The following RAD23B variants were observed in gnomAD, a reference collection of about 807,000 sequenced individuals.
RAD23B encodes RAD23 nucleotide excision repair protein B, also known as lysine-specific demethylase RAD23B.
A neutral mutation model predicts 49.1 loss-of-function variants in RAD23B; 5 were observed. The observed-to-expected ratio is 0.10, with a 90% confidence interval of 0.05 to 0.21. The LOEUF (loss-of-function observed/expected upper bound fraction) is 0.21. Among genes scored for constraint, RAD23B ranks in the 10% least tolerant of loss-of-function variants. RAD23B has a pLI of 1.00. For synonymous variants in RAD23B, 184 were observed against 165.4 expected (o/e 1.11, Z -0.86); for missense variants, 356 against 486.7 (o/e 0.73, Z 2.53).
chr9:107,284,313 T>G, intron 1 of RAD23B: 2 of 764,520 alleles, frequency 2.6e-6, no homozygotes, highest in Non-Finnish European at 3.2e-6. Flanking sequence ...GATTGCACTT[T>G]GAGGCCTCTT....
At chr9:107,294,470 C>T (rs913853848) in intron 1 of RAD23B, among the ~76,000 whole-genome samples, 4 of 152,158 alleles carry the variant, frequency 2.6e-5, no homozygotes, top group African/African-American at 9.7e-5. Context: ...TGGTGTGGGG[C>T]TCAGCGCAGT....
intron 4 of RAD23B, among the ~76,000 whole-genome samples, chr9:107,307,261 A>G (rs1347059971): frequency 2.0e-5 from 3 of 152,224 alleles, no homozygotes; most frequent in Non-Finnish European, 4.4e-5. Flanking sequence ...TTGAGGAGCA[A>G]GAAATAATTT....
chr9:107,306,775 G>T, intron 4 of RAD23B, 128 bp downstream of exon 4: 1 of 1,024,692 alleles, frequency 9.8e-7, no homozygotes, highest in Non-Finnish European at 1.4e-6. Flanking sequence ...TTAAATGTTT[G>T]ACTAAAACAT....
chr9:107,306,081 CT>C (rs1826763215), intron 3 of RAD23B, among the ~76,000 whole-genome samples: 2 of 75,084 alleles, frequency 2.7e-5, no homozygotes, highest in Admixed American at 1.5e-4. Context: ...ATCTATATAT[CT>C]ATATATATTT....
intron 1 of RAD23B, among the ~76,000 whole-genome samples, chr9:107,287,416 G>A (rs1238507363): frequency 6.6e-6 from 1 of 152,188 alleles, no homozygotes; most frequent in Admixed American, 6.5e-5. Context: ...GATTGGATTA[G>A]TATATAAGTG....
intron 5 of RAD23B, among the ~76,000 whole-genome samples, chr9:107,313,229 C>A (rs1446712760): frequency 6.6e-6 from 1 of 150,540 alleles, no homozygotes; most frequent in African/African-American, 2.4e-5. Flanking sequence ...TCTTTTCTTT[C>A]TTCCTTTCCT....
chr9:107,306,608 C>G lies in RAD23B; in HGVS notation c.458C>G (p.Ala153Gly), dbSNP rs1459302950. Residue 153 changes from alanine (A) to glycine (G), a missense_variant, in exon 4 of 10, where the codon GCA (alanine) becomes GGA (glycine). Physicochemically the swap from Ala to Gly is moderately conservative, Grantham distance 60 (BLOSUM62 0). Coordinates refer to ENST00000358015, the MANE Select transcript of RAD23B (RefSeq NM_002874.5). ...CAAGAGAAGCCTGCAGAAAAGCCAGCAGAGACACCAGTGGCTACTAGCCCA... is the reference window on the plus strand; with the variant it reads ...CAAGAGAAGCCTGCAGAAAAGCCAGGAGAGACACCAGTGGCTACTAGCCCA... ...AKQEKPAEKP[A>G]ETPVATSPTA... is the part of the protein sequence containing the mutation. 1.2e-6 allele frequency: 2 copies of G among 1,614,054 alleles called. No homozygotes were observed. Among genetic ancestry groups the G allele is most frequent in the Admixed American group, 3.3e-5 (2 of 60,008 alleles).
In RAD23B at chr9:107,331,737, A is replaced by G. The variant is rs1398366972; in HGVS notation, c.*2081A>G. 7.7e-6 allele frequency: 6 copies of G among 777,166 alleles called. No individual in the cohort carries two copies. Among genetic ancestry groups the G allele is most frequent in the Admixed American group, 1.7e-5 (1 of 58,594 alleles). 48.1% of individuals were successfully genotyped at this position (777,166 alleles called of 1,614,324 possible). A position where few individuals can be genotyped will look rare whatever the true frequency, so the allele number is the denominator to read the frequency against. ...TTGGAAAGTGACAGCAGAAGGTGGCATGGAGCTTGTGTCCTTGGACAACAA... is the reference window on the plus strand; with the variant it reads ...TTGGAAAGTGACAGCAGAAGGTGGCGTGGAGCTTGTGTCCTTGGACAACAA... On this transcript the variant is annotated 3_prime_UTR_variant, in exon 10 of 10. Coordinates refer to ENST00000358015, the MANE Select transcript of RAD23B (RefSeq NM_002874.5).
chr9:107,289,265 G>T (rs1833338710), intron 1 of RAD23B, among the ~76,000 whole-genome samples: 1 of 151,830 alleles, frequency 6.6e-6, no homozygotes, highest in African/African-American at 2.4e-5. Flanking sequence ...GCTCACTGCA[G>T]CCCCAAACTC....
intron 1 of RAD23B, among the ~76,000 whole-genome samples, chr9:107,295,094 G>T (rs181033648): frequency 6.9e-6 from 1 of 144,458 alleles, no homozygotes; most frequent in East Asian, 2.3e-4. Context: ...GGTGGGGGGG[G>T]ACTACCAGAG....
chr9:107,330,981 G>A lies in RAD23B; in HGVS notation c.*1325G>A, dbSNP rs533017943. The A allele has an allele frequency of 1.2e-4, 19 of 152,756 alleles. No homozygotes were observed. The highest frequency in any genetic ancestry group is 4.3e-4 in the African/African-American group (18 of 41,580). 9.5% of individuals were successfully genotyped at this position (152,756 alleles called of 1,614,324 possible). A position where few individuals can be genotyped will look rare whatever the true frequency, so the allele number is the denominator to read the frequency against. ...TTGTTATTTAATCATAAACGGGGCAGATGTCTACTTGTTCAGTTTTTCAAA... is the reference window on the plus strand; with the variant it reads ...TTGTTATTTAATCATAAACGGGGCAAATGTCTACTTGTTCAGTTTTTCAAA... On this transcript the variant is annotated 3_prime_UTR_variant, in exon 10 of 10. Transcript: ENST00000358015. This position sits in a 1 kb window ranked among gnomAD's most constrained non-coding sequence, Gnocchi z 4.4.
chr9:107,308,362 G>C (rs1427759275), intron 4 of RAD23B, among the ~76,000 whole-genome samples: 1 of 152,082 alleles, frequency 6.6e-6, no homozygotes, highest in African/African-American at 2.4e-5. Flanking sequence ...GGGATTACAG[G>C]CGCATGGCAC....
At chr9:107,327,133 G>C (rs768393008) in intron 9 of RAD23B, among the ~76,000 whole-genome samples, 3 of 151,912 alleles carry the variant, frequency 2.0e-5, no homozygotes, top group Non-Finnish European at 4.4e-5. Flanking sequence ...AGATATTTTT[G>C]TTTTTTCCCT....
intron 7 of RAD23B, 151 bp from the exon 8 acceptor site, chr9:107,323,739 G>A (rs1429910536): frequency 1.3e-6 from 1 of 786,766 alleles, no homozygotes; most frequent in African/African-American, 1.7e-5. Context: ...GGTACAGTTG[G>A]AAGATTTCAT....
intron 9 of RAD23B, 28 bp downstream of exon 9, chr9:107,325,032 T>C (rs769093408): frequency 1.3e-6 from 2 of 1,596,850 alleles, no homozygotes; most frequent in Non-Finnish European, 1.7e-6. Context: ...TTTAAAAAAA[T>C]TAGTTCTTGG....
At chr9:107,308,347 T>C (rs891332220) in intron 4 of RAD23B, among the ~76,000 whole-genome samples, 3 of 151,984 alleles carry the variant, frequency 2.0e-5, no homozygotes, top group Admixed American at 1.3e-4. Flanking sequence ...GCCTCCTGAG[T>C]AGCTGGGATT....
intron 4 of RAD23B, among the ~76,000 whole-genome samples, chr9:107,309,026 A>G (rs746078713): frequency 5.3e-5 from 8 of 152,238 alleles, no homozygotes; most frequent in Non-Finnish European, 1.0e-4. Flanking sequence ...ACCTGAGAGA[A>G]ACTGCACTTG....
intron 1 of RAD23B, among the ~76,000 whole-genome samples, chr9:107,288,862 C>T (rs1225896341): frequency 6.6e-6 from 1 of 152,028 alleles, no homozygotes; most frequent in African/African-American, 2.4e-5. Flanking sequence ...AAAAAGCCTG[C>T]ATTGCTAAGG....
At chr9:107,283,964 C>G (rs916883221) in intron 1 of RAD23B, 22 of 1,129,720 alleles carry the variant, frequency 1.9e-5, no homozygotes, top group Non-Finnish European at 2.4e-5. Context: ...GGGCCTGGGC[C>G]TAGGAGCTCG....
Sources: allele counts gnomAD v4.1 joint callset (sites outside exome capture counted in the v4.1 genomes callset), GRCh38; gene constraint gnomAD v4.1.1; non-coding constraint Gnocchi (gnomAD v3.1); transcripts MANE v1.5; gene names NCBI Gene and HGNC (gene_info 2026-07-23, HGNC 2026-07-21).